The following KLF12 variants were observed in gnomAD, a reference collection of about 807,000 sequenced individuals.
KLF12 encodes KLF transcription factor 12.
A neutral mutation model predicts 37.8 loss-of-function variants in KLF12; 9 were observed. The observed-to-expected ratio is 0.24, with a 90% CI of 0.14 to 0.42. The LOEUF is 0.42. Ranked by LOEUF, KLF12 falls within the 10% of genes least tolerant of loss-of-function variation. The pLI, the probability that KLF12 is intolerant of heterozygous loss-of-function variation, is 1.00. For missense variants in KLF12, 411 were observed against 516.0 expected (o/e 0.80, Z 1.97); for synonymous variants, 208 against 202.1 (o/e 1.03, Z -0.25).
intron 6 of KLF12, among the ~76,000 whole-genome samples, chr13:73,730,020 G>A (rs1031867525): frequency 6.6e-6 from 1 of 152,108 alleles, no homozygotes; most frequent in Non-Finnish European, 1.5e-5. Context: ...TTCTCAGAAC[G>A]ACCTTGGCCT....
At chr13:74,057,649 T>C (rs1873324542) in intron 1 of KLF12, among the ~76,000 whole-genome samples, 1 of 152,228 alleles carries the variant, frequency 6.6e-6, no homozygotes, top group South Asian at 2.1e-4. Context: ...GTCAATTCAA[T>C]GGCCAGAAAT....
rs1566457304 is a variant in KLF12, at chr13:73,916,218, CACACACA to C, written c.123+27756_123+27762del. Reference sequence around the variant, plus strand: ...GGAAGAGCTAATACTTACACACACACACACACACACACACACACACACGCACACGCAC... The same window carrying C: ...GGAAGAGCTAATACTTACACACACACCACACACACACACACGCACACGCAC... On this transcript the variant is annotated intron_variant, in intron 3 of 7. Coordinates refer to ENST00000377669, the MANE Select transcript of KLF12 (RefSeq NM_007249.5). Among the ~76,000 whole-genome samples, 9 of 143,268 alleles carry C rather than the reference CACACACA, an allele frequency of 6.3e-5. No homozygotes were observed. In the South Asian group the frequency reaches 1.1e-3, roughly 18 times the overall value. The allele number at this position is 143,268 out of a possible 152,430, so 94.0% of individuals were successfully genotyped here.
At chr13:74,138,248 A>G (rs1431786074), upstream of KLF12, among the ~76,000 whole-genome samples, 1 of 152,222 alleles carries the variant, frequency 6.6e-6, no homozygotes, top group African/African-American at 2.4e-5. Context: ...GGTAAAAGCT[A>G]TGTTGAAAGA....
At chr13:74,139,294 C>T in the KLF12 span, among the ~76,000 whole-genome samples, 3 of 152,216 alleles carry the variant, frequency 2.0e-5, no homozygotes, top group African/African-American at 7.2e-5. Flanking sequence ...CCTCTCAGAA[C>T]AAGAGCTGTA....
the KLF12 span, among the ~76,000 whole-genome samples, chr13:74,252,065 C>G: frequency 6.6e-6 from 1 of 152,186 alleles, no homozygotes; most frequent in Non-Finnish European, 1.5e-5. Context: ...TTCACAAGGG[C>G]AGGCACCACT....
chr13:74,238,783 G>C, the KLF12 span, among the ~76,000 whole-genome samples: 1 of 152,038 alleles, frequency 6.6e-6, no homozygotes, highest in East Asian at 1.9e-4. Flanking sequence ...GATCAGTGGT[G>C]ATATCCCCTT....
At chr13:73,781,530 A>C (rs941295198) in intron 5 of KLF12, among the ~76,000 whole-genome samples, 1 of 152,268 alleles carries the variant, frequency 6.6e-6, no homozygotes, top group Admixed American at 6.5e-5. Context: ...TTAAATAATC[A>C]AGACAAACTG....
At chr13:74,261,988 G>A in the KLF12 span, among the ~76,000 whole-genome samples, 1 of 152,168 alleles carries the variant, frequency 6.6e-6, no homozygotes, top group Non-Finnish European at 1.5e-5. Flanking sequence ...GCTGTCCCGA[G>A]CTGAGTGTGC....
At chr13:74,029,604 C>T (rs1322867919) in intron 1 of KLF12, among the ~76,000 whole-genome samples, 1 of 152,004 alleles carries the variant, frequency 6.6e-6, no homozygotes, top group Non-Finnish European at 1.5e-5. Context: ...ACCCTATTAA[C>T]GGGTTTAGGC....
At chr13:73,726,439 T>C (rs1876680098) in intron 6 of KLF12, among the ~76,000 whole-genome samples, 1 of 152,170 alleles carries the variant, frequency 6.6e-6, no homozygotes, top group Non-Finnish European at 1.5e-5. Flanking sequence ...TTAGCATCCA[T>C]TCTGCCTTCC....
At chr13:74,212,767 T>C in the KLF12 span, among the ~76,000 whole-genome samples, 1 of 152,144 alleles carries the variant, frequency 6.6e-6, no homozygotes, top group Non-Finnish European at 1.5e-5. Flanking sequence ...GAAATATCTC[T>C]TCAATTTCAC....
chr13:73,964,535 C>A (rs567351314), intron 2 of KLF12, among the ~76,000 whole-genome samples: 1 of 150,296 alleles, frequency 6.7e-6, no homozygotes, highest in African/African-American at 2.5e-5. Flanking sequence ...TTCGGGAGGC[C>A]AAGGCGGGTG....
chr13:74,189,437 G>A, the KLF12 span, among the ~76,000 whole-genome samples: 1 of 152,100 alleles, frequency 6.6e-6, no homozygotes, highest in Non-Finnish European at 1.5e-5. Flanking sequence ...AGATGGCACC[G>A]AGCTTAACTC....
the KLF12 span, among the ~76,000 whole-genome samples, chr13:74,141,981 A>G: frequency 1.3e-5 from 2 of 152,228 alleles, no homozygotes; most frequent in Non-Finnish European, 2.9e-5. Context: ...CAGAAAAAAA[A>G]AGAAAAATAT....
In KLF12 at chr13:73,952,362, G is replaced by A. The variant is rs192174541; in HGVS notation, c.34-8292C>T. Among the ~76,000 whole-genome samples, 498 of 152,254 alleles carry A rather than the reference G, an allele frequency of 3.3e-3. 7 individuals carry two copies. The highest frequency in any genetic ancestry group is 8.2e-4 in the Non-Finnish European group (56 of 68,018). ...GAAGGAGGCACATCTTACATGGCTG[G>A]AGCAGAGGAAGAGAGCGAAGGGGGA... On this transcript the variant is annotated intron_variant, in intron 2 of 7. Coordinates refer to ENST00000377669, the MANE Select transcript of KLF12 (RefSeq NM_007249.5).
chr13:73,719,397 C>T (rs1431568817), intron 6 of KLF12, among the ~76,000 whole-genome samples: 2 of 147,026 alleles, frequency 1.4e-5, no homozygotes, highest in Non-Finnish European at 3.0e-5. Flanking sequence ...TTTTGTATTT[C>T]CAGAACCTAG....
intron 3 of KLF12, among the ~76,000 whole-genome samples, chr13:73,867,319 G>A (rs1340841469): frequency 6.6e-6 from 1 of 151,798 alleles, no homozygotes; most frequent in Non-Finnish European, 1.5e-5. Context: ...TGGTAAGCTA[G>A]AATAATTACT....
intron 3 of KLF12, among the ~76,000 whole-genome samples, chr13:73,860,064 G>C (rs1217360979): frequency 1.3e-5 from 2 of 152,184 alleles, no homozygotes; most frequent in African/African-American, 2.4e-5. Flanking sequence ...GTGTGGTTTT[G>C]TGAAAAGGAT....
chr13:73,941,637 C>A (rs1439569189), intron 3 of KLF12, among the ~76,000 whole-genome samples: 2 of 151,952 alleles, frequency 1.3e-5, no homozygotes, highest in African/African-American at 4.8e-5. Flanking sequence ...AGCAAAGTGG[C>A]CAAAAATGAA....
Sources: gnomAD v4.1 joint callset for allele counts (sites outside exome capture counted in the v4.1 genomes callset) on GRCh38, gnomAD v4.1.1 for gene constraint, MANE v1.5 for transcripts, NCBI Gene and HGNC (gene_info 2026-07-23, HGNC 2026-07-21) for gene names.